MUC4: variants seen among roughly 807,000 people sequenced by gnomAD.
MUC4 encodes mucin 4, cell surface associated.
A neutral mutation model predicts 257.9 loss-of-function variants in MUC4; 202 were observed. The ratio of observed to expected loss-of-function variants is 0.78; its 90% CI spans 0.70 to 0.88. MUC4 has a LOEUF of 0.88. Among genes scored for constraint, MUC4 ranks in the 40% least tolerant of loss-of-function variants. The probability of loss-of-function intolerance (pLI) is 0.00; values close to 1 mark genes in which losing one functional copy is unlikely to be tolerated. For missense variants in MUC4, 5,976 were observed against 6,513.7 expected, an observed-to-expected ratio of 0.92 and a Z score of 2.84; for synonymous variants, 2,351 against 2,757.1, an observed-to-expected ratio of 0.85 and a Z score of 4.62.
At chr3:195,796,607 C>T (rs1041122900) in intron 1 of MUC4, among the ~76,000 whole-genome samples, 1 of 151,894 alleles carries the variant, frequency 6.6e-6, no homozygotes, top group African/African-American at 2.4e-5. Context: ...AGGAGAACGG[C>T]GTGAACCTGG....
chr3:195,806,808 GAA>G (rs1736047608), intron 1 of MUC4, among the ~76,000 whole-genome samples: 1 of 152,226 alleles, frequency 6.6e-6, no homozygotes, highest in Non-Finnish European at 1.5e-5. Flanking sequence ...AGAGAGCTTT[GAA>G]AAGCAGGAAC....
intron 3 of MUC4, among the ~76,000 whole-genome samples, chr3:195,776,277 C>CGCCCAT (rs1724684189): frequency 9.3e-6 from 1 of 107,710 alleles, no homozygotes; most frequent in Non-Finnish European, 1.8e-5. Context: ...ATACCTTCCA[C>CGCCCAT]ACCCATACCT....
chr3:195,806,724 A>T (rs1266914475), intron 1 of MUC4, among the ~76,000 whole-genome samples: 1 of 152,208 alleles, frequency 6.6e-6, no homozygotes, highest in Non-Finnish European at 1.5e-5. Flanking sequence ...TGCTGCAGTG[A>T]GTCAGGAGAC....
At chr3:195,799,260 T>TGTGTGTGTGTGTGTGTGA (rs1553889795) in intron 1 of MUC4, among the ~76,000 whole-genome samples, 4 of 149,116 alleles carry the variant, frequency 2.7e-5, no homozygotes, top group Admixed American at 6.6e-5. Flanking sequence ...TGTGTGTGTG[T>TGTGTGTGTGTGTGTGTGA]GACACTGTGT....
chr3:195,767,642 TCGCCACCACCACCACCAC>T (rs1721317229), intron 7 of MUC4, among the ~76,000 whole-genome samples: 1 of 31,376 alleles, frequency 3.2e-5, no homozygotes, highest in Non-Finnish European at 6.2e-5. Context: ...ACCACCACCA[TCGCCACCACCACCACCAC>T]CACCATCACC....
Position 195,764,090 on chromosome 3 carries a change from T to A in MUC4, c.13999A>T (p.Arg4667Trp), listed in dbSNP as rs1333354578. 1 of 1,608,918 alleles carries A rather than the reference T, an allele frequency of 6.2e-7. No homozygotes were observed. Among genetic ancestry groups the A allele is most frequent in the African/African-American group, 1.3e-5 (1 of 74,858 alleles). Residue 4667 changes from arginine (R) to tryptophan (W), a missense_variant, in exon 11 of 25, where the codon AGG becomes TGG. Arg to Trp is a moderately radical substitution (Grantham distance 101). This residue lies in a region of MUC4 where 996 missense variants were observed against 1,137.3 expected (regional missense o/e 0.88). Coordinates refer to ENST00000463781, the MANE Select transcript of MUC4 (RefSeq NM_018406.7). The part of the protein sequence containing the change: ...KPYLCALYQQ[R>W]RPHVGCATYR... ...GTAGCACAGCCCACGTGGGGCCGCC[T>A]CTGCTGGTACAGGGCACAGAGGTAG...
At chr3:195,767,510 T>TCGCCAC (rs1720933929) in intron 7 of MUC4, among the ~76,000 whole-genome samples, 1 of 35,436 alleles carries the variant, frequency 2.8e-5, no homozygotes, top group Admixed American at 2.5e-4. Context: ...ACCACCACCA[T>TCGCCAC]CACCATCACC....
intron 8 of MUC4, among the ~76,000 whole-genome samples, chr3:195,766,249 T>C (rs1203321965): frequency 5.9e-5 from 9 of 152,088 alleles, no homozygotes; most frequent in Admixed American, 5.9e-4. Flanking sequence ...GTGTGAGCCA[T>C]GGCGCCCAGC....
Position 195,788,222 on chromosome 3 carries a change from G to T in MUC4, c.3358C>A (p.Pro1120Thr), listed in dbSNP as rs11916899. 2.3e-3 allele frequency: 3,215 copies of T among 1,417,288 alleles called. No homozygotes were observed. The highest frequency in any genetic ancestry group is 0.013 in the African/African-American group (887 of 66,978). The allele number at this position is 1,417,288 out of a possible 1,614,324, so 87.8% of individuals were successfully genotyped here. The change falls in exon 2 of 25, where the codon CCT (proline) becomes ACT (threonine). Residue 1120 changes from proline to threonine, a missense_variant. Transcript: ENST00000463781. ...GAGGAAGTGTCGGTGACAGGAAGAG[G>T]GGTGGTGTGACCTGTGGATACTGAG... ...TSSVSTGHTT[P>T]LPVTDTSSAS...
chr3:195,788,828 C>T lies in MUC4; in HGVS notation c.2752G>A (p.Gly918Arg), dbSNP rs774476760. The change falls in exon 2 of 25, where the codon GGG (glycine) becomes AGG (arginine). Residue 918 changes from glycine to arginine, a missense_variant. Coordinates refer to ENST00000463781, the MANE Select transcript of MUC4 (RefSeq NM_018406.7). ...GACGCCAGGCTGATAGTGTCAGACC[C>T]TCTGCTGGTTCTTGTCCTCTGAGTC... ...AQTQRTRTSRGSDTISLASQA... is the reference protein window; with the variant it reads ...AQTQRTRTSRRSDTISLASQA... The T allele has an allele frequency of 3.1e-6, 5 of 1,613,858 alleles. No homozygotes were observed. In the South Asian group the frequency reaches 5.5e-5, roughly 18 times the overall value.
intron 1 of MUC4, among the ~76,000 whole-genome samples, chr3:195,793,460 C>T (rs970486330): frequency 6.6e-6 from 1 of 151,844 alleles, no homozygotes; most frequent in Non-Finnish European, 1.5e-5. Context: ...AGACATCATG[C>T]CACTTCACTG....
At chr3:195,756,561 T>G (rs1717686882) in intron 18 of MUC4, among the ~76,000 whole-genome samples, 1 of 152,018 alleles carries the variant, frequency 6.6e-6, no homozygotes, top group African/African-American at 2.4e-5. Flanking sequence ...TTCTCCAATA[T>G]AGTTTCTTTC....
At position 195,789,089 on chromosome 3, in the gene MUC4, A is replaced by G. The variant is rs754335447; in HGVS notation, c.2491T>C (p.Ser831Pro). Reference sequence around the variant, plus strand: ...TGACTGTCCCTGGAGGGGTTTGATGAAAACCTTGTCGTCTCTCCTGAGGTG... The same window carrying G: ...TGACTGTCCCTGGAGGGGTTTGATGGAAACCTTGTCGTCTCTCCTGAGGTG... ...ISTSGETTRFSSNPSRDSHTT... is the reference protein window; with the variant it reads ...ISTSGETTRFPSNPSRDSHTT... The change falls in exon 2 of 25, where the codon TCA becomes CCA. Residue 831 changes from serine (S) to proline (P), a missense_variant. By Grantham distance (74) the Ser-to-Pro change is moderately conservative (BLOSUM62 -1). Transcript: ENST00000463781. The G allele has an allele frequency of 1.8e-5, 29 of 1,613,220 alleles. No individual in the cohort carries two copies. The South Asian group carries it at 2.9e-4, about 16-fold the overall frequency.
chr3:195,760,590 CGCT>C (rs1718644364), intron 16 of MUC4, among the ~76,000 whole-genome samples: 6 of 100,850 alleles, frequency 5.9e-5, no homozygotes, highest in East Asian at 2.2e-4. Flanking sequence ...AGGCGTCCAG[CGCT>C]AGTATGGAGT....
rs202112331 is a variant in MUC4, at chr3:195,752,356, C to T, written c.15582+17G>A. ...CAAGCGCCCCCTCCCACCCAGAGCG[C>T]GGCCTGCAGCACTGACCGAGGCGTT... On this transcript the variant is annotated intron_variant, in intron 21 of 24. Transcript: ENST00000463781. 9.4e-4 allele frequency: 1,503 copies of T among 1,607,212 alleles called. 14 individuals carry two copies. The highest frequency in any genetic ancestry group is 2.5e-4 in the Non-Finnish European group (297 of 1,173,674).
intron 4 of MUC4, among the ~76,000 whole-genome samples, chr3:195,772,760 ACC>A (rs1436511420): frequency 7.4e-5 from 10 of 135,494 alleles, no homozygotes; most frequent in Non-Finnish European, 7.9e-5. Flanking sequence ...GGGTGTAGAC[ACC>A]CCCTCTCCAT....
chr3:195,747,312 G>A lies in MUC4; in HGVS notation c.16103C>T (p.Ala5368Val), dbSNP rs781691768. Residue 5368 changes from alanine to valine, a missense_variant, in exon 25 of 25, where the codon GCG becomes GTG. This residue lies in a region of MUC4 where 310 missense variants were observed against 242.1 expected (regional missense o/e 1.28). Transcript: ENST00000463781. ...GGCCCCAAAGAAGATGCCGAAGAAC[G>A]CGTCGAGTTTCATGCTCAGGTGCTC... Reference protein sequence around the residue: ...HCEHLSMKLDAFFGIFFGALG... With the variant: ...HCEHLSMKLDVFFGIFFGALG... 5.0e-6 allele frequency: 8 copies of A among 1,614,150 alleles called. No homozygotes were observed. The Admixed American group carries it at 6.7e-5, about 13-fold the overall frequency.
chr3:195,768,395 C>T (rs759303314), intron 7 of MUC4, among the ~76,000 whole-genome samples: 5 of 152,200 alleles, frequency 3.3e-5, no homozygotes, highest in Non-Finnish European at 5.9e-5. Context: ...CACGGGAATC[C>T]ACATTTCAAC....
rs770510316 is a variant in MUC4, at chr3:195,762,281, G to T, written c.14345-27C>A. 1.7e-5 allele frequency: 26 copies of T among 1,552,382 alleles called. No homozygotes were observed. In the South Asian group the frequency reaches 2.7e-4, roughly 16 times the overall value. On this transcript the variant is annotated intron_variant, in intron 13 of 24. Transcript: ENST00000463781. The stretch of plus-strand genomic sequence containing the variant: ...TGGAGCATCGGGAGGCAGCGGAGAG[G>T]AAGCCAGGTCGGCACCACGGCCCGC...
Sources: allele counts gnomAD v4.1 joint callset (sites outside exome capture counted in the v4.1 genomes callset), GRCh38; gene constraint gnomAD v4.1.1; regional missense constraint gnomAD v4.1.1; transcripts MANE v1.5; gene names NCBI Gene and HGNC (gene_info 2026-07-23, HGNC 2026-07-21).